TNS1: variants seen among roughly 807,000 people sequenced by gnomAD.
TNS1 encodes the protein tensin 1.
TNS1 carries 62 observed loss-of-function variants against 168.6 expected under a neutral mutation model. That is an observed-to-expected ratio of 0.37 (90% confidence interval 0.30 to 0.45). TNS1 has a LOEUF of 0.45. Among genes scored for constraint, TNS1 ranks in the 20% least tolerant of loss-of-function variants. The pLI is 1.00. For synonymous variants in TNS1, 934 were observed against 933.2 expected (o/e 1.00, Z -0.02); for missense variants, 2,240 against 2,339.4 (o/e 0.96, Z 0.88).
chr2:217,921,732 G>A (rs1477805689), intron 3 of TNS1, among the ~76,000 whole-genome samples: 5 of 152,102 alleles, frequency 3.3e-5, no homozygotes, highest in African/African-American at 1.2e-4. Flanking sequence ...AAGAACAGGG[G>A]GCCGAACAGA....
rs1956294212 is a variant in TNS1, at chr2:217,931,037, C to A, written c.187-10801G>T. ...GGAGCGAGACCACGTGTTCACTCAACAATGCCCACTGAGTGCCCCTCCATG... is the reference window on the plus strand; with the variant it reads ...GGAGCGAGACCACGTGTTCACTCAAAAATGCCCACTGAGTGCCCCTCCATG... On this transcript the variant is annotated intron_variant, in intron 3 of 32. Coordinates refer to ENST00000682258, the MANE Select transcript of TNS1 (RefSeq NM_001387777.1). Among the ~76,000 whole-genome samples the A allele has an allele frequency of 2.0e-5, 3 of 152,158 alleles. No individual in the cohort carries two copies. The South Asian group carries it at 6.2e-4, about 32-fold the overall frequency.
rs748795797 is a variant in TNS1, at chr2:217,848,221, C to T, written c.2296G>A (p.Glu766Lys). The T allele has an allele frequency of 3.2e-6, 5 of 1,585,160 alleles. No homozygotes were observed. In the African/African-American group the frequency reaches 6.7e-5, roughly 21 times the overall value. The change falls in exon 19 of 33, where the codon GAG becomes AAG. Residue 766 changes from glutamate (E) to lysine (K), a missense_variant. Physicochemically the swap from Glu to Lys is moderately conservative, Grantham distance 56. Transcript: ENST00000682258. ...GAATTCAGTCCCCTTTGCACAGCCT[C>T]CCGGCTGCTTCCCCCTCGGACCGGA... ...PAPVRGGSSREAVQRGLNSWQ... is the reference protein window; with the variant it reads ...PAPVRGGSSRKAVQRGLNSWQ...
At chr2:218,029,182 C>G (rs1042119687) in intron 1 of TNS1, among the ~76,000 whole-genome samples, 1 of 152,162 alleles carries the variant, frequency 6.6e-6, no homozygotes, top group African/African-American at 2.4e-5. Flanking sequence ...CAATGCAGGA[C>G]TCCAGAGCTT....
chr2:217,859,870 GATA>G (rs1402778315), intron 18 of TNS1, among the ~76,000 whole-genome samples: 1 of 152,122 alleles, frequency 6.6e-6, no homozygotes, highest in African/African-American at 2.4e-5. Flanking sequence ...GTCCCTAACT[GATA>G]ATAAGACACC....
chr2:217,987,865 C>G (rs1319689224), intron 2 of TNS1, among the ~76,000 whole-genome samples: 1 of 152,138 alleles, frequency 6.6e-6, no homozygotes, highest in East Asian at 1.9e-4. Flanking sequence ...ATCGGGTGGC[C>G]CTGGTTGGGT....
intron 18 of TNS1, chr2:217,849,882 G>A (rs1947229462): frequency 1.0e-6 from 1 of 985,434 alleles, no homozygotes; most frequent in South Asian, 4.7e-5. Flanking sequence ...TGGTGGCAGG[G>A]AGGCTGAAGG....
chr2:217,841,845 C>A (rs939776627), intron 19 of TNS1, among the ~76,000 whole-genome samples: 4 of 152,210 alleles, frequency 2.6e-5, no homozygotes, highest in African/African-American at 9.7e-5. Context: ...TCCTGGGGAA[C>A]CCCTTGTGCT....
At chr2:217,841,872 C>T (rs1946017028) in intron 19 of TNS1, among the ~76,000 whole-genome samples, 1 of 152,200 alleles carries the variant, frequency 6.6e-6, no homozygotes, top group Non-Finnish European at 1.5e-5. Flanking sequence ...CTCTGGCCCC[C>T]AGCTTCTGGT....
chr2:218,010,620 G>T (rs1382157386), upstream of TNS1, among the ~76,000 whole-genome samples: 1 of 151,702 alleles, frequency 6.6e-6, no homozygotes, highest in African/African-American at 2.4e-5. Flanking sequence ...AGGGGAGCCG[G>T]CAGAGGCGGC....
At chr2:217,989,652 A>T (rs1311756715) in intron 2 of TNS1, among the ~76,000 whole-genome samples, 1 of 152,104 alleles carries the variant, frequency 6.6e-6, no homozygotes, top group Non-Finnish European at 1.5e-5. Context: ...GCTCATGAAA[A>T]TAGCGATTGA....
intron 15 of TNS1, 35 bp downstream of exon 15, chr2:217,885,709 C>A: frequency 2.5e-6 from 4 of 1,572,994 alleles, no homozygotes; most frequent in Non-Finnish European, 3.4e-6. Flanking sequence ...AGAAAATAAA[C>A]AAGGATGGGG....
intron 1 of TNS1, among the ~76,000 whole-genome samples, chr2:218,017,388 C>A (rs1268894847): frequency 3.3e-5 from 5 of 152,252 alleles, no homozygotes; most frequent in African/African-American, 7.2e-5. Flanking sequence ...TAGCCCCATC[C>A]CTGCCAGGGC....
chr2:217,822,839 C>T (rs369298077), intron 22 of TNS1, among the ~76,000 whole-genome samples: 26 of 152,298 alleles, frequency 1.7e-4, no homozygotes, highest in African/African-American at 5.8e-4. Context: ...AGCTCCCAAA[C>T]GAACTCCGCT....
intron 32 of TNS1, among the ~76,000 whole-genome samples, chr2:217,805,475 C>A (rs201353518): frequency 0.22 from 8,608 of 38,522 alleles, 251 homozygotes; most frequent in African/African-American, 0.3. Context: ...ACCACACACA[C>A]CACACACACC....
intron 6 of TNS1, chr2:217,903,797 A>C (rs1190272173): frequency 1.7e-6 from 1 of 605,208 alleles, no homozygotes; most frequent in Non-Finnish European, 2.9e-6. Context: ...CACCACTCAG[A>C]CACTACTGGG....
chr2:217,970,369 C>T (rs959877040), intron 3 of TNS1, among the ~76,000 whole-genome samples: 1 of 152,168 alleles, frequency 6.6e-6, no homozygotes, highest in Admixed American at 6.5e-5. Flanking sequence ...TAGAGTTACC[C>T]TATGACTCCA....
intron 3 of TNS1, chr2:217,936,863 G>A (rs930426920): frequency 2.5e-5 from 11 of 448,696 alleles, no homozygotes; most frequent in East Asian, 1.4e-4. Context: ...TCATACCCAC[G>A]CTAGCACTAC....
chr2:217,929,416 A>C (rs972984243), intron 3 of TNS1, among the ~76,000 whole-genome samples: 3 of 152,324 alleles, frequency 2.0e-5, no homozygotes, highest in African/African-American at 7.2e-5. Context: ...AGCTGCACTG[A>C]GTACCTATGG....
Position 217,848,833 on chromosome 2 carries a change from TCTC to T in TNS1, c.1681_1683del (p.Glu561del), listed in dbSNP as rs1475635587. ...CTCAGCAGGCGGTCCAGCTCCCGCT[TCTC>T]CTGGGGACTCAAGGCAGCAGTGGCA... On this transcript the variant is annotated inframe_deletion, in exon 19 of 33. Transcript: ENST00000682258. 1 of 1,613,788 alleles carries T rather than the reference TCTC, an allele frequency of 6.2e-7. No individual in the cohort carries two copies. Among genetic ancestry groups the T allele is most frequent in the South Asian group, 1.1e-5 (1 of 91,052 alleles).
Sources: gnomAD v4.1 joint callset for allele counts (sites outside exome capture counted in the v4.1 genomes callset) on GRCh38, gnomAD v4.1.1 for gene constraint, MANE v1.5 for transcripts, NCBI Gene and HGNC (gene_info 2026-07-23, HGNC 2026-07-21) for gene names.